The following SOX5 variants were observed in gnomAD, a reference collection of about 807,000 sequenced individuals.
The protein encoded by SOX5 is SRY-box transcription factor 5, also known as transcription factor SOX-5.
In SOX5, 9 loss-of-function variants were observed where a neutral mutation model predicts 92.0. That is an observed-to-expected ratio of 0.10 (90% CI 0.06 to 0.17). SOX5 has a LOEUF of 0.17. Among genes scored for constraint, SOX5 ranks in the 10% least tolerant of loss-of-function variants. SOX5 has a pLI of 1.00. For synonymous variants in SOX5, 344 were observed against 336.3 expected, an observed-to-expected ratio of 1.02 and a Z score of -0.25; for missense variants, 642 against 944.5, an observed-to-expected ratio of 0.68 and a Z score of 4.20.
chr12:24,337,402 G>A (rs753172476), intron 2 of SOX5, among the ~76,000 whole-genome samples: 60 of 150,826 alleles, frequency 4.0e-4, no homozygotes, highest in Admixed American at 1.5e-3. Flanking sequence ...GTGCAGTGGC[G>A]TGATCTTGGT....
intron 3 of SOX5, among the ~76,000 whole-genome samples, chr12:24,237,024 T>A (rs1398100764): frequency 6.6e-6 from 1 of 152,204 alleles, no homozygotes; most frequent in African/African-American, 2.4e-5. Flanking sequence ...TCTTTAAAGG[T>A]GTACATGTCT....
intron 1 of SOX5, among the ~76,000 whole-genome samples, chr12:24,553,944 T>TA (rs1301170159): frequency 6.6e-6 from 1 of 152,216 alleles, no homozygotes; most frequent in African/African-American, 2.4e-5. Context: ...ATTCGGTTAA[T>TA]AGAGAAGGTA....
At chr12:23,914,902 T>G (rs533074078) in intron 1 of SOX5, among the ~76,000 whole-genome samples, 1 of 152,258 alleles carries the variant, frequency 6.6e-6, no homozygotes, top group Admixed American at 6.5e-5. Context: ...TAAAGTGAGT[T>G]TACTATTGGA....
At chr12:23,537,270 A>G (rs1940736495) in intron 13 of SOX5, among the ~76,000 whole-genome samples, 1 of 152,266 alleles carries the variant, frequency 6.6e-6, no homozygotes, top group Non-Finnish European at 1.5e-5. Flanking sequence ...AAACCTTGAC[A>G]TACTGATGTC....
At chr12:24,216,480 C>A (rs1959174782) in intron 3 of SOX5, among the ~76,000 whole-genome samples, 1 of 151,510 alleles carries the variant, frequency 6.6e-6, no homozygotes, top group Non-Finnish European at 1.5e-5. Flanking sequence ...CGCGACTCCG[C>A]CTCGGAAAAA....
chr12:24,296,948 C>T (rs1947338095), intron 2 of SOX5, among the ~76,000 whole-genome samples: 1 of 151,874 alleles, frequency 6.6e-6, no homozygotes, highest in Non-Finnish European at 1.5e-5. Flanking sequence ...CACACACACA[C>T]ACACACACAC....
At chr12:24,257,941 G>A (rs1467991184) in intron 3 of SOX5, among the ~76,000 whole-genome samples, 3 of 152,014 alleles carry the variant, frequency 2.0e-5, no homozygotes, top group African/African-American at 2.4e-5. Context: ...TTGGGAGGCC[G>A]AGGCAAGTGG....
intron 1 of SOX5, among the ~76,000 whole-genome samples, chr12:24,555,366 A>G (rs1304833463): frequency 1.3e-5 from 2 of 152,272 alleles, no homozygotes; most frequent in Non-Finnish European, 1.5e-5. Flanking sequence ...CTGATAAAAA[A>G]TAAGGATTAA....
chr12:23,900,332 A>G (rs2097217731), intron 1 of SOX5, among the ~76,000 whole-genome samples: 1 of 152,170 alleles, frequency 6.6e-6, no homozygotes, highest in Non-Finnish European at 1.5e-5. Flanking sequence ...TAAATGTGAC[A>G]GTAAATAGAA....
At chr12:24,134,510 A>T (rs992933307) in intron 4 of SOX5, among the ~76,000 whole-genome samples, 2 of 152,196 alleles carry the variant, frequency 1.3e-5, no homozygotes, top group African/African-American at 4.8e-5. Context: ...TCAGTGTGTT[A>T]TAAATGTGTT....
chr12:23,720,746 G>A (rs1043609086), intron 6 of SOX5, among the ~76,000 whole-genome samples: 2 of 152,062 alleles, frequency 1.3e-5, no homozygotes, highest in African/African-American at 4.8e-5. Context: ...TCTTAAAAAC[G>A]TGTCATTTAC....
rs561444679 is a variant in SOX5, at chr12:24,544,601, C to T, written c.-251+17728G>A. ...TCATTATGACCCTGGCTAATGCAAA[C>T]ACACACACAGATATACACTCACATG... is the stretch of plus-strand genomic sequence containing the variant. On this transcript the variant is annotated intron_variant, in intron 1 of 4. Coordinates refer to the SOX5 transcript ENST00000446891. Among the ~76,000 whole-genome samples the T allele has an allele frequency of 2.0e-5, 3 of 152,256 alleles. No individual in the cohort carries two copies. The South Asian group carries it at 6.2e-4, about 32-fold the overall frequency.
At chr12:23,863,793 TACACACACACACACAC>T (rs71059936) in intron 2 of SOX5, among the ~76,000 whole-genome samples, 3,242 of 145,708 alleles carry the variant, frequency 0.022, 95 homozygotes, top group African/African-American at 0.07. Flanking sequence ...TTAAACACAC[TACACACACACACACAC>T]ACACACACAC....
intron 4 of SOX5, among the ~76,000 whole-genome samples, chr12:24,080,381 C>T (rs903240756): frequency 6.6e-6 from 1 of 151,948 alleles, no homozygotes; most frequent in African/African-American, 2.4e-5. Flanking sequence ...TTGACATTAA[C>T]TAAGTGCCAC....
chr12:24,085,713 A>T (rs529023398), intron 4 of SOX5, among the ~76,000 whole-genome samples: 115 of 152,210 alleles, frequency 7.6e-4, no homozygotes, highest in Non-Finnish European at 1.3e-3. Context: ...TTCTTATAAC[A>T]AAATGAAATT....
intron 1 of SOX5, among the ~76,000 whole-genome samples, chr12:24,522,994 C>T (rs914404972): frequency 9.9e-5 from 15 of 151,964 alleles, no homozygotes; most frequent in African/African-American, 3.4e-4. Context: ...TTGCAAGTGA[C>T]ATAATCTTAT....
intron 3 of SOX5, among the ~76,000 whole-genome samples, chr12:24,225,932 T>A (rs145444658): frequency 2.0e-5 from 3 of 152,176 alleles, no homozygotes; most frequent in African/African-American, 7.2e-5. Context: ...GTTGTAGGAA[T>A]CAAAGAAACG....
intron 1 of SOX5, among the ~76,000 whole-genome samples, chr12:24,514,326 G>T (rs1949583445): frequency 6.6e-6 from 1 of 152,120 alleles, no homozygotes; most frequent in Admixed American, 6.6e-5. Flanking sequence ...ATCATCTAAA[G>T]ATTTGTATGC....
rs183930369 is a variant in SOX5 at position 23,628,414 on chromosome 12, G to T, written c.1017+12398C>A. ...TATAGTTCTGCTTCACTCCATAAAG[G>T]AAGTAATTGTAACTTTCACTAACAC... On this transcript the variant is annotated intron_variant, in intron 8 of 14. Coordinates refer to ENST00000451604, the MANE Select transcript of SOX5 (RefSeq NM_006940.6). Among the ~76,000 whole-genome samples the T allele has an allele frequency of 5.7e-4, 86 of 152,160 alleles. 1 individual carries two copies. Among genetic ancestry groups the T allele is most frequent in the Admixed American group, 2.9e-3 (44 of 15,272 alleles).
Sources: allele counts gnomAD v4.1 joint callset (sites outside exome capture counted in the v4.1 genomes callset), GRCh38; gene constraint gnomAD v4.1.1; transcripts MANE v1.5; gene names NCBI Gene and HGNC (gene_info 2026-07-23, HGNC 2026-07-21).